Variants in CPA6 observed in about 807,000 individuals in gnomAD.
The protein encoded by CPA6 is carboxypeptidase B.
Under a neutral mutation model 63.3 loss-of-function variants are expected in CPA6, and 58 were observed. That is an observed-to-expected ratio of 0.92 (90% CI 0.74 to 1.14). The LOEUF (loss-of-function observed/expected upper bound fraction) is 1.14. Among genes scored for constraint, CPA6 ranks in the 50% most tolerant of loss-of-function variants. The probability of loss-of-function intolerance (pLI) is 0.00; values close to 1 mark genes in which losing one functional copy is unlikely to be tolerated. For synonymous variants in CPA6, 185 were observed against 179.0 expected (o/e 1.03, Z -0.27); for missense variants, 565 against 526.6 (o/e 1.07, Z -0.71).
At chr8:67,475,857 TTCTTTCTTTC>T (rs1184753230) in intron 8 of CPA6, among the ~76,000 whole-genome samples, 4 of 99,058 alleles carry the variant, frequency 4.0e-5, no homozygotes, top group African/African-American at 1.7e-4. Context: ...CTTTCTTTCT[TTCTTTCTTTC>T]TTTCTTTCTT....
chr8:67,654,932 G>A (rs961214169), intron 1 of CPA6, among the ~76,000 whole-genome samples: 7 of 152,130 alleles, frequency 4.6e-5, no homozygotes, highest in African/African-American at 1.7e-4. Context: ...TCTGAAACTT[G>A]AGGCAAATGA....
At chr8:67,618,960 G>A (rs1177046730) in intron 2 of CPA6, among the ~76,000 whole-genome samples, 4 of 152,098 alleles carry the variant, frequency 2.6e-5, no homozygotes, top group Non-Finnish European at 4.4e-5. Context: ...CTAGGGGCAT[G>A]GTTTTCTGTT....
At chr8:67,498,921 A>G (rs1811777872) in intron 6 of CPA6, among the ~76,000 whole-genome samples, 1 of 152,240 alleles carries the variant, frequency 6.6e-6, no homozygotes, top group South Asian at 2.1e-4. Context: ...AGAGAATTAA[A>G]TGACTATCAA....
chr8:67,676,963 C>T (rs898163953), intron 1 of CPA6, among the ~76,000 whole-genome samples: 1 of 152,102 alleles, frequency 6.6e-6, no homozygotes, highest in African/African-American at 2.4e-5. Context: ...TATGTATATA[C>T]ACATACTCTG....
intron 5 of CPA6, 76 bp from the exon 6 acceptor site, chr8:67,506,964 G>A: frequency 9.5e-7 from 1 of 1,055,880 alleles, no homozygotes; most frequent in Non-Finnish European, 1.5e-6. Flanking sequence ...TAAGGTTTCA[G>A]CATAATTCTT....
chr8:67,490,152 T>C (rs148655566), intron 6 of CPA6, among the ~76,000 whole-genome samples: 41 of 152,296 alleles, frequency 2.7e-4, no homozygotes, highest in African/African-American at 9.1e-4. Flanking sequence ...CCTTAAATAA[T>C]AGGACACAGA....
At chr8:67,639,654 C>T (rs1815545784) in intron 1 of CPA6, among the ~76,000 whole-genome samples, 1 of 151,572 alleles carries the variant, frequency 6.6e-6, no homozygotes, top group Non-Finnish European at 1.5e-5. Flanking sequence ...TAGGTCTGGG[C>T]TCCCTGAAGG....
intron 8 of CPA6, among the ~76,000 whole-genome samples, chr8:67,475,918 CTTTCTT>C (rs1563968226): frequency 1.1e-5 from 1 of 89,946 alleles, no homozygotes; most frequent in Non-Finnish European, 2.2e-5. Context: ...TTCTTTCTTT[CTTTCTT>C]TCTTTCTTTC....
intron 8 of CPA6, among the ~76,000 whole-genome samples, chr8:67,473,884 G>A (rs1397770218): frequency 6.6e-6 from 1 of 152,086 alleles, no homozygotes; most frequent in Non-Finnish European, 1.5e-5. Context: ...TGGGATTACG[G>A]GCTTGAGCCA....
intron 5 of CPA6, 110 bp downstream of exon 5, chr8:67,509,407 A>T: frequency 1.8e-6 from 1 of 548,526 alleles, no homozygotes; most frequent in South Asian, 2.7e-5. Flanking sequence ...ATGATGTTAA[A>T]TATGAGACTC....
intron 1 of CPA6, among the ~76,000 whole-genome samples, chr8:67,674,953 T>C (rs1256787288): frequency 1.3e-5 from 2 of 152,136 alleles, no homozygotes; most frequent in Non-Finnish European, 2.9e-5. Flanking sequence ...TTCTCACTTA[T>C]AAGTAGGAGC....
At chr8:67,695,410 G>A (rs74487894) in intron 1 of CPA6, among the ~76,000 whole-genome samples, 2,061 of 152,238 alleles carry the variant, frequency 0.014, 38 homozygotes, top group African/African-American at 0.045. Context: ...GATTATACTG[G>A]ACCTCTTACA....
At chr8:67,742,859 G>T (rs918507103) in intron 1 of CPA6, among the ~76,000 whole-genome samples, 1 of 152,088 alleles carries the variant, frequency 6.6e-6, no homozygotes, top group Non-Finnish European at 1.5e-5. Context: ...CAAAAATCAT[G>T]GCCATGTTAG....
chr8:67,459,144 T>G (rs984313900), intron 8 of CPA6, among the ~76,000 whole-genome samples: 1 of 152,190 alleles, frequency 6.6e-6, no homozygotes, highest in Non-Finnish European at 1.5e-5. Flanking sequence ...TTAAAAATTT[T>G]TATCTATTTA....
At chr8:67,577,507 G>C (rs191356879) in intron 2 of CPA6, among the ~76,000 whole-genome samples, 1 of 152,138 alleles carries the variant, frequency 6.6e-6, no homozygotes. Context: ...TGAAGAATAG[G>C]CATCTTTCTT....
chr8:67,476,551 CTCT>C (rs1811242407), intron 8 of CPA6, among the ~76,000 whole-genome samples: 1 of 121,128 alleles, frequency 8.3e-6, no homozygotes, highest in Non-Finnish European at 1.6e-5. Flanking sequence ...CTCTCTCTCT[CTCT>C]TTTTTTTTTT....
chr8:67,690,182 T>A (rs191982713), intron 1 of CPA6, among the ~76,000 whole-genome samples: 1 of 152,330 alleles, frequency 6.6e-6, no homozygotes, highest in South Asian at 2.1e-4. Context: ...CTCAGTTCTG[T>A]ATCTTATAGG....
At chr8:67,740,877 A>C (rs1235848735) in intron 1 of CPA6, among the ~76,000 whole-genome samples, 1 of 151,846 alleles carries the variant, frequency 6.6e-6, no homozygotes, top group Non-Finnish European at 1.5e-5. Flanking sequence ...GCCCCAAACT[A>C]CTTTTCAAAA....
At position 67,476,299 on chromosome 8, in the gene CPA6, G is replaced by A. The variant is rs545452353; in HGVS notation, c.838+7469C>T. Among the ~76,000 whole-genome samples the A allele has an allele frequency of 5.9e-5, 9 of 152,082 alleles. 1 individual carries two copies. Among genetic ancestry groups the A allele is most frequent in the African/African-American group, 1.9e-4 (8 of 41,510 alleles). On this transcript the variant is annotated intron_variant, in intron 8 of 10. Transcript: ENST00000297770. ...ATTACAGGTGTGAGCCAACATGCCC[G>A]CCCCAAAGTAGGACACTTTCCATGA...
Sources: allele counts gnomAD v4.1 joint callset (sites outside exome capture counted in the v4.1 genomes callset), GRCh38; gene constraint gnomAD v4.1.1; transcripts MANE v1.5; gene names NCBI Gene and HGNC (gene_info 2026-07-23, HGNC 2026-07-21).